Variants in JAM2 observed in about 807,000 individuals in gnomAD.
JAM2 encodes junctional adhesion molecule 2, also known as junctional adhesion molecule B.
Under a neutral mutation model 42.0 loss-of-function variants are expected in JAM2, and 17 were observed. The ratio of observed to expected loss-of-function variants is 0.40; its 90% CI spans 0.28 to 0.61. JAM2 has a LOEUF of 0.61. JAM2 is among the 20% of genes least tolerant of loss of function. The probability of loss-of-function intolerance (pLI) is 0.37; values close to 1 mark genes in which losing one functional copy is unlikely to be tolerated. For synonymous variants in JAM2, 118 were observed against 128.6 expected (o/e 0.92, Z 0.56); for missense variants, 319 against 358.3 (o/e 0.89, Z 0.89).
chr21:25,689,569 C>T (rs2033830915), intron 2 of JAM2, among the ~76,000 whole-genome samples: 2 of 152,180 alleles, frequency 1.3e-5, no homozygotes, highest in African/African-American at 2.4e-5. Flanking sequence ...AGCCTGTGTG[C>T]TTTGCATATC....
intron 1 of JAM2, among the ~76,000 whole-genome samples, chr21:25,648,450 T>TTGTGTGTG (rs61479815): frequency 0.11 from 15,822 of 148,384 alleles, 1,103 homozygotes; most frequent in East Asian, 0.31. Context: ...TGCCGTGTGT[T>TTGTGTGTG]TGTGTGTGTG....
chr21:25,688,183 T>G (rs1216092130), intron 2 of JAM2, among the ~76,000 whole-genome samples: 1 of 152,046 alleles, frequency 6.6e-6, no homozygotes, highest in Admixed American at 6.5e-5. Context: ...TAGTATAAGT[T>G]TCATAGAGGT....
chr21:25,655,574 G>C (rs1404560092), intron 1 of JAM2, among the ~76,000 whole-genome samples: 1 of 147,758 alleles, frequency 6.8e-6, no homozygotes, highest in South Asian at 2.1e-4. Context: ...TCTGCTTCCC[G>C]GGCTCAAGCG....
At chr21:25,697,410 T>C (rs1445191946) in intron 4 of JAM2, among the ~76,000 whole-genome samples, 1 of 152,134 alleles carries the variant, frequency 6.6e-6, no homozygotes, top group African/African-American at 2.4e-5. Context: ...GCAGTAGAAA[T>C]ACTGCAATCT....
At chr21:25,653,730 G>A (rs1376794878) in intron 1 of JAM2, among the ~76,000 whole-genome samples, 2 of 152,090 alleles carry the variant, frequency 1.3e-5, no homozygotes, top group Admixed American at 6.6e-5. Flanking sequence ...TGGGGATTAT[G>A]GGGATTACAA....
In JAM2 at chr21:25,659,532, C is replaced by T. The variant is rs558506237; in HGVS notation, c.67+19644C>T. 7.9e-5 allele frequency among the ~76,000 whole-genome samples: 12 copies of T among 152,220 alleles called. No homozygotes were observed. In the South Asian group the frequency reaches 1.9e-3, roughly 24 times the overall value. On this transcript the variant is annotated intron_variant, in intron 1 of 9. Coordinates refer to ENST00000480456, the MANE Select transcript of JAM2 (RefSeq NM_021219.4). ...TAGTTTCCATAGGAACAGGATCAAT[C>T]GGAAAGCATTTGGGATTCTTTCAAA...
Position 25,717,481 on chromosome 21 carries a change from T to C in JAM2, c.*2809T>C. 1 of 699,258 alleles carries C rather than the reference T, an allele frequency of 1.4e-6. No homozygotes were observed. Among genetic ancestry groups the C allele is most frequent in the Non-Finnish European group, 2.2e-6 (1 of 462,768 alleles). The allele number at this position is 699,258 out of a possible 1,614,324, so 43.3% of individuals were successfully genotyped here. A position where few individuals can be genotyped will look rare whatever the true frequency, so the allele number is the denominator to read the frequency against. ...TTTGACCTAAGTCTGGACCAATTGA[T>C]TGCTTTTCAATACAACTTTGCAAAG... On this transcript the variant is annotated 3_prime_UTR_variant, in exon 10 of 10. Transcript: ENST00000480456.
intron 1 of JAM2, among the ~76,000 whole-genome samples, chr21:25,673,942 G>A (rs993528966): frequency 3.9e-5 from 6 of 152,126 alleles, no homozygotes; most frequent in South Asian, 2.1e-4. Context: ...TAAGTCTCAC[G>A]CGATCTGATG....
intron 1 of JAM2, among the ~76,000 whole-genome samples, chr21:25,672,694 T>G (rs1321917363): frequency 6.6e-6 from 1 of 152,222 alleles, no homozygotes; most frequent in Non-Finnish European, 1.5e-5. Flanking sequence ...GAGGTGCGCC[T>G]ATACACAACG....
chr21:25,650,115 C>T (rs889679143), intron 1 of JAM2, among the ~76,000 whole-genome samples: 1 of 152,198 alleles, frequency 6.6e-6, no homozygotes, highest in Non-Finnish European at 1.5e-5. Flanking sequence ...ATGACCCAAA[C>T]ACCTCTTAAA....
chr21:25,658,082 T>C (rs1468638625), intron 1 of JAM2, among the ~76,000 whole-genome samples: 2 of 152,164 alleles, frequency 1.3e-5, no homozygotes, highest in Non-Finnish European at 2.9e-5. Context: ...ACATATAGAC[T>C]AGACTTGGGA....
At chr21:25,691,476 C>T (rs1386223949) in intron 3 of JAM2, among the ~76,000 whole-genome samples, 1 of 152,224 alleles carries the variant, frequency 6.6e-6, no homozygotes, top group Non-Finnish European at 1.5e-5. Context: ...TCCCACTCAG[C>T]CTTCCAATTG....
At chr21:25,669,037 C>A (rs2033291427) in intron 1 of JAM2, among the ~76,000 whole-genome samples, 1 of 152,022 alleles carries the variant, frequency 6.6e-6, no homozygotes, top group African/African-American at 2.4e-5. Flanking sequence ...AGAATTTAAA[C>A]CCAGGGCTTT....
At chr21:25,700,744 T>TG (rs971684758) in intron 5 of JAM2, among the ~76,000 whole-genome samples, 5 of 152,228 alleles carry the variant, frequency 3.3e-5, no homozygotes, top group African/African-American at 1.2e-4. Flanking sequence ...ACAGATCTTC[T>TG]GATAAACAAG....
At chr21:25,666,820 G>T (rs1269161458) in intron 1 of JAM2, among the ~76,000 whole-genome samples, 2 of 152,190 alleles carry the variant, frequency 1.3e-5, no homozygotes, top group Non-Finnish European at 2.9e-5. Flanking sequence ...ATGAGCCATT[G>T]CACCTGGTAG....
At chr21:25,683,839 AC>A (rs1738667114) in intron 1 of JAM2, 43 bp from the exon 2 acceptor site, 1 of 1,388,024 alleles carries the variant, frequency 7.2e-7, no homozygotes, top group Non-Finnish European at 1.0e-6. Flanking sequence ...TTGAAAATGA[AC>A]TTTTGTATAA....
chr21:25,698,308 T>C (rs770121274), intron 4 of JAM2, among the ~76,000 whole-genome samples: 2 of 152,220 alleles, frequency 1.3e-5, no homozygotes, highest in East Asian at 1.9e-4. Context: ...AAGGTCACCA[T>C]TGTTGTTGAC....
At chr21:25,711,687 C>T (rs1228733080) in intron 8 of JAM2, 1 of 254,084 alleles carries the variant, frequency 3.9e-6, no homozygotes, top group Non-Finnish European at 7.8e-6. Flanking sequence ...CACCCCTAAC[C>T]TCCAGGTGAT....
chr21:25,706,329 G>A (rs1010696648), intron 7 of JAM2, among the ~76,000 whole-genome samples: 1 of 151,964 alleles, frequency 6.6e-6, no homozygotes, highest in South Asian at 2.1e-4. Flanking sequence ...TTGCAAGTGT[G>A]CACCAACACA....
Sources: allele counts gnomAD v4.1 joint callset (sites outside exome capture counted in the v4.1 genomes callset), GRCh38; gene constraint gnomAD v4.1.1; transcripts MANE v1.5; gene names NCBI Gene and HGNC (gene_info 2026-07-23, HGNC 2026-07-21).